KIF16B: variants seen among roughly 807,000 people sequenced by gnomAD.
The protein encoded by KIF16B is kinesin family member 16B.
A neutral mutation model predicts 156.3 loss-of-function variants in KIF16B; 98 were observed. The ratio of observed to expected loss-of-function variants is 0.63; its 90% CI spans 0.53 to 0.74. The LOEUF is 0.74. Among genes scored for constraint, KIF16B ranks in the 30% least tolerant of loss-of-function variants. KIF16B has a pLI of 0.00. For missense variants in KIF16B, 1,421 were observed against 1,606.5 expected, an observed-to-expected ratio of 0.88 and a Z score of 1.97; for synonymous variants, 564 against 583.7, an observed-to-expected ratio of 0.97 and a Z score of 0.49.
intron 6 of KIF16B, among the ~76,000 whole-genome samples, chr20:16,508,707 T>C (rs921049778): frequency 6.6e-6 from 1 of 152,118 alleles, no homozygotes; most frequent in Non-Finnish European, 1.5e-5. Flanking sequence ...CCAGTACCAG[T>C]CTGCAGCCCG....
chr20:16,478,954 A>G (rs1199965384), intron 12 of KIF16B, among the ~76,000 whole-genome samples: 1 of 152,216 alleles, frequency 6.6e-6, no homozygotes, highest in Non-Finnish European at 1.5e-5. Flanking sequence ...ACTTCCAAGT[A>G]TACACCTAAC....
In KIF16B at chr20:16,280,841, C is replaced by CGCGTGTGTGTGT. The variant is rs112026824; in HGVS notation, c.3796-7431_3796-7430insACACACACACGC. Among the ~76,000 whole-genome samples, 343 of 74,454 alleles carry CGCGTGTGTGTGT rather than the reference C, an allele frequency of 4.6e-3. 3 individuals carry two copies. The highest frequency in any genetic ancestry group is 0.01 in the African/African-American group (204 of 20,132). The allele number at this position is 74,454 out of a possible 152,430, so 48.8% of individuals were successfully genotyped here. Reference sequence around the variant, plus strand: ...ATTTCAGTCAACTGCTGCGCGCGCACGTGTGTGTGTGTGTGTGTGTGTGTG... The same window carrying CGCGTGTGTGTGT: ...ATTTCAGTCAACTGCTGCGCGCGCACGCGTGTGTGTGTGTGTGTGTGTGTGTGTGTGTGTGTG... On this transcript the variant is annotated intron_variant, in intron 25 of 25. Transcript: ENST00000354981.
rs562746829 is a variant in KIF16B, at chr20:16,504,301, G to A, written c.1176+71C>T. 1.3e-4 allele frequency: 184 copies of A among 1,449,536 alleles called. 6 individuals are homozygous for A. In the South Asian group the frequency reaches 2.2e-3, roughly 17 times the overall value. The allele number at this position is 1,449,536 out of a possible 1,614,324, so 89.8% of individuals were successfully genotyped here. ...AATCAATAGCATGAGTGAGAAAATT[G>A]TCTCATTAAGATCTAGAAATAGATG... is the stretch of plus-strand genomic sequence containing the variant. On this transcript the variant is annotated intron_variant, in intron 10 of 25. Coordinates refer to ENST00000354981, the MANE Select transcript of KIF16B (RefSeq NM_024704.5).
At chr20:16,535,399 T>C (rs2069920516) in intron 1 of KIF16B, among the ~76,000 whole-genome samples, 1 of 152,200 alleles carries the variant, frequency 6.6e-6, no homozygotes, top group South Asian at 2.1e-4. Flanking sequence ...GGTGAAGTCT[T>C]TGGTTTTTCT....
chr20:16,384,703 A>G (rs1017079303), intron 17 of KIF16B, among the ~76,000 whole-genome samples: 2 of 152,152 alleles, frequency 1.3e-5, no homozygotes, highest in Admixed American at 1.3e-4. Flanking sequence ...GAGATGGCAG[A>G]GCAGGACCCA....
Position 16,368,471 on chromosome 20 carries a change from G to C in KIF16B, c.3498+2115C>G, listed in dbSNP as rs2064733408. The C allele has an allele frequency of 1.7e-5, 17 of 986,148 alleles. No individual in the cohort carries two copies. The South Asian group carries it at 6.6e-4, about 38-fold the overall frequency. The allele number at this position is 986,148 out of a possible 1,614,324, so 61.1% of individuals were successfully genotyped here. A position where few individuals can be genotyped will look rare whatever the true frequency, so the allele number is the denominator to read the frequency against. ...AGGCTTCTGACGAATGTTGTTACCTGGGAGGGGAGCCCCCTCGGGGCACAC... is the reference window on the plus strand; with the variant it reads ...AGGCTTCTGACGAATGTTGTTACCTCGGAGGGGAGCCCCCTCGGGGCACAC... On this transcript the variant is annotated intron_variant, in intron 22 of 25. Coordinates refer to ENST00000354981, the MANE Select transcript of KIF16B (RefSeq NM_024704.5).
intron 3 of KIF16B, among the ~76,000 whole-genome samples, chr20:16,519,175 G>C (rs1331044404): frequency 6.6e-6 from 1 of 152,152 alleles, no homozygotes; most frequent in Non-Finnish European, 1.5e-5. Context: ...GACAACAATG[G>C]AAGTTCAACC....
At chr20:16,529,723 G>A (rs190404938) in intron 1 of KIF16B, among the ~76,000 whole-genome samples, 58 of 152,270 alleles carry the variant, frequency 3.8e-4, no homozygotes, top group African/African-American at 5.3e-4. Context: ...AGGCAGAGGC[G>A]GGCAGATCAC....
chr20:16,343,046 G>T (rs2064168205), intron 23 of KIF16B, among the ~76,000 whole-genome samples: 1 of 152,134 alleles, frequency 6.6e-6, no homozygotes, highest in East Asian at 1.9e-4. Flanking sequence ...AGGAACAGAA[G>T]ATCAGTACAA....
intron 24 of KIF16B, among the ~76,000 whole-genome samples, chr20:16,314,605 G>A (rs942626088): frequency 6.6e-6 from 1 of 152,230 alleles, no homozygotes; most frequent in African/African-American, 2.4e-5. Context: ...TACTAGCTAC[G>A]TTTCTCTGAG....
At chr20:16,297,002 C>T (rs954366097) in intron 25 of KIF16B, among the ~76,000 whole-genome samples, 4 of 152,232 alleles carry the variant, frequency 2.6e-5, no homozygotes, top group African/African-American at 9.6e-5. Flanking sequence ...GCTGGAACTT[C>T]AGTCTTTTCC....
At chr20:16,327,358 T>A (rs1237110087) in intron 24 of KIF16B, among the ~76,000 whole-genome samples, 2 of 151,998 alleles carry the variant, frequency 1.3e-5, no homozygotes, top group African/African-American at 4.8e-5. Context: ...GCTCAAGTGA[T>A]GGGTATACCA....
intron 12 of KIF16B, among the ~76,000 whole-genome samples, chr20:16,433,263 G>C (rs931033333): frequency 6.6e-6 from 1 of 152,010 alleles, no homozygotes; most frequent in Non-Finnish European, 1.5e-5. Context: ...AATTATTACA[G>C]GCCTCTAGGT....
intron 21 of KIF16B, 55 bp from the exon 22 acceptor site, chr20:16,370,691 G>A: frequency 7.6e-7 from 1 of 1,313,794 alleles, no homozygotes. Flanking sequence ...TCACGGGGCG[G>A]GGGACTGATT....
intron 1 of KIF16B, among the ~76,000 whole-genome samples, chr20:16,533,744 C>T (rs2069844177): frequency 6.6e-6 from 1 of 152,118 alleles, no homozygotes; most frequent in African/African-American, 2.4e-5. Flanking sequence ...CCTGCCAAAC[C>T]ATGAGTGAGT....
chr20:16,347,362 A>G (rs1325243544), intron 23 of KIF16B, among the ~76,000 whole-genome samples: 1 of 152,220 alleles, frequency 6.6e-6, no homozygotes, highest in African/African-American at 2.4e-5. Context: ...ATAATCTTAT[A>G]ATAAAAAAAT....
At chr20:16,368,851 G>A (rs2064746209) in intron 22 of KIF16B, 2 of 985,840 alleles carry the variant, frequency 2.0e-6, no homozygotes, top group Non-Finnish European at 2.4e-6. Context: ...TTGCAGCAAA[G>A]TCCAACTGGA....
rs764390965 is a variant in KIF16B at position 16,506,115 on chromosome 20, C to T, written c.775G>A (p.Ala259Thr). ...ACCCCGGTGGCTCCGGTGGCATCTGCACGCTCACTTCCGGCAAGATCAACC... is the reference window on the plus strand; with the variant it reads ...ACCCCGGTGGCTCCGGTGGCATCTGTACGCTCACTTCCGGCAAGATCAACC... ...HLVDLAGSER[A>T]DATGATGVRL... is the part of the protein sequence containing the mutation. The change falls in exon 8 of 26, where the codon GCA becomes ACA. Residue 259 changes from alanine (A) to threonine (T), a missense_variant. Coordinates refer to ENST00000354981, the MANE Select transcript of KIF16B (RefSeq NM_024704.5). 4 of 1,614,112 alleles carry T rather than the reference C, an allele frequency of 2.5e-6. No individual in the cohort carries two copies. The highest frequency in any genetic ancestry group is 3.4e-6 in the Non-Finnish European group (4 of 1,179,976).
At chr20:16,341,991 GCCT>G (rs1305010026) in intron 23 of KIF16B, among the ~76,000 whole-genome samples, 9 of 152,080 alleles carry the variant, frequency 5.9e-5, no homozygotes, top group Non-Finnish European at 8.8e-5. Flanking sequence ...CTTCTGAACG[GCCT>G]CCTCAACCAC....
Sources: allele counts gnomAD v4.1 joint callset (sites outside exome capture counted in the v4.1 genomes callset), GRCh38; gene constraint gnomAD v4.1.1; transcripts MANE v1.5; gene names NCBI Gene and HGNC (gene_info 2026-07-23, HGNC 2026-07-21).